Variants in MAGI1 observed in about 807,000 individuals in gnomAD.
MAGI1 encodes the protein membrane associated guanylate kinase, WW and PDZ domain containing 1.
MAGI1 carries 58 observed loss-of-function variants against 139.9 expected under a neutral mutation model. The ratio of observed to expected loss-of-function variants is 0.41; its 90% CI spans 0.34 to 0.52. MAGI1 has a LOEUF of 0.52. MAGI1 is among the 20% of genes least tolerant of loss of function. The probability of loss-of-function intolerance (pLI) is 0.12; values close to 1 mark genes in which losing one functional copy is unlikely to be tolerated. For synonymous variants in MAGI1, 812 were observed against 737.9 expected (o/e 1.10, Z -1.63); for missense variants, 1,874 against 1,901.6 (o/e 0.99, Z 0.27).
intron 1 of MAGI1, among the ~76,000 whole-genome samples, chr3:65,648,357 C>A (rs2085399169): frequency 6.6e-6 from 1 of 151,750 alleles, no homozygotes; most frequent in African/African-American, 2.4e-5. Context: ...ATTATGTTGC[C>A]CAAGCTGTTC....
At chr3:65,414,516 C>A (rs1435251158) in intron 12 of MAGI1, among the ~76,000 whole-genome samples, 1 of 152,194 alleles carries the variant, frequency 6.6e-6, no homozygotes, top group Non-Finnish European at 1.5e-5. Flanking sequence ...GATGCCAGAG[C>A]CCCACTCACA....
intron 1 of MAGI1, among the ~76,000 whole-genome samples, chr3:65,999,306 G>T (rs937523620): frequency 6.6e-6 from 1 of 152,184 alleles, no homozygotes; most frequent in Non-Finnish European, 1.5e-5. Flanking sequence ...AGGGGGATAA[G>T]GAGAGGAAAG....
chr3:65,898,036 A>T (rs948056725), intron 1 of MAGI1, among the ~76,000 whole-genome samples: 2 of 152,156 alleles, frequency 1.3e-5, no homozygotes, highest in African/African-American at 4.8e-5. Context: ...CAAATATTTA[A>T]CTCAAGATAC....
chr3:65,457,502 T>C (rs1949479139), intron 5 of MAGI1, among the ~76,000 whole-genome samples: 1 of 152,200 alleles, frequency 6.6e-6, no homozygotes, highest in African/African-American at 2.4e-5. Context: ...CCTCTTTCAT[T>C]AGCATTTTAT....
At chr3:65,380,876 A>G (rs1432828110) in intron 16 of MAGI1, 1 of 152,200 alleles carries the variant, frequency 6.6e-6, no homozygotes, top group Non-Finnish European at 1.5e-5. Context: ...ACTGGAATTT[A>G]ACATCTTAAT....
At chr3:65,984,374 A>G (rs985290808) in intron 1 of MAGI1, among the ~76,000 whole-genome samples, 1 of 152,154 alleles carries the variant, frequency 6.6e-6, no homozygotes, top group Non-Finnish European at 1.5e-5. Context: ...TGGATCCTCA[A>G]ACACACCATT....
rs1232775858 is a variant in MAGI1, at chr3:65,978,678, G to C, written c.313+59318C>G. On this transcript the variant is annotated intron_variant, in intron 1 of 22. Coordinates refer to ENST00000402939, the MANE Select transcript of MAGI1 (RefSeq NM_001033057.2). ...AGTTTCACTCTTGTTGCCCAGGCTGGAGTGCAATGGTGCAATCTCAGCTCA... is the reference window on the plus strand; with the variant it reads ...AGTTTCACTCTTGTTGCCCAGGCTGCAGTGCAATGGTGCAATCTCAGCTCA... Among the ~76,000 whole-genome samples the C allele has an allele frequency of 4.0e-5, 6 of 148,452 alleles. No individual in the cohort carries two copies. The East Asian group carries it at 1.2e-3, about 29-fold the overall frequency.
At chr3:65,694,466 C>T (rs1325410383) in intron 1 of MAGI1, among the ~76,000 whole-genome samples, 2 of 152,148 alleles carry the variant, frequency 1.3e-5, no homozygotes, top group Non-Finnish European at 2.9e-5. Flanking sequence ...GTGTTCTCAT[C>T]ACCACCACCC....
chr3:65,725,534 G>A (rs2033506978), intron 1 of MAGI1, among the ~76,000 whole-genome samples: 1 of 152,144 alleles, frequency 6.6e-6, no homozygotes, highest in African/African-American at 2.4e-5. Context: ...CCAAACCCTG[G>A]TGGCTGGGGC....
intron 1 of MAGI1, among the ~76,000 whole-genome samples, chr3:65,639,207 C>A (rs2084832803): frequency 6.6e-6 from 1 of 152,182 alleles, no homozygotes; most frequent in South Asian, 2.1e-4. Flanking sequence ...TTATATATCC[C>A]TCATATCAGT....
At chr3:65,849,327 G>A (rs77782761) in intron 1 of MAGI1, among the ~76,000 whole-genome samples, 41 of 151,570 alleles carry the variant, frequency 2.7e-4, no homozygotes, top group Non-Finnish European at 4.1e-4. Flanking sequence ...ACCTGACCCA[G>A]ACCATTCTTT....
intron 3 of MAGI1, among the ~76,000 whole-genome samples, chr3:65,490,521 T>C (rs1575988152): frequency 6.6e-6 from 1 of 152,078 alleles, no homozygotes; most frequent in Non-Finnish European, 1.5e-5. Flanking sequence ...TAAGAGTCAA[T>C]ATAATATACT....
At chr3:65,638,692 C>T (rs915033505) in intron 1 of MAGI1, among the ~76,000 whole-genome samples, 1 of 147,702 alleles carries the variant, frequency 6.8e-6, no homozygotes, top group African/African-American at 2.5e-5. Flanking sequence ...TCACTGCAAC[C>T]TCCTCCCAGG....
At chr3:65,812,279 T>A (rs1005752186) in intron 1 of MAGI1, among the ~76,000 whole-genome samples, 2 of 152,126 alleles carry the variant, frequency 1.3e-5, no homozygotes, top group Non-Finnish European at 2.9e-5. Context: ...AAAGCGGGTA[T>A]TCTAAAAATG....
chr3:65,748,122 G>C (rs894886250), intron 1 of MAGI1, among the ~76,000 whole-genome samples: 3 of 152,204 alleles, frequency 2.0e-5, no homozygotes, highest in Admixed American at 6.5e-5. Context: ...AGGCAGTCAG[G>C]CTCCAAGCAT....
intron 8 of MAGI1, among the ~76,000 whole-genome samples, chr3:65,441,601 A>G (rs1399789721): frequency 1.3e-5 from 2 of 152,186 alleles, no homozygotes; most frequent in African/African-American, 2.4e-5. Flanking sequence ...CTCTTAATGC[A>G]TAAACTAGTT....
intron 1 of MAGI1, among the ~76,000 whole-genome samples, chr3:65,899,883 G>A (rs1295504319): frequency 6.6e-6 from 1 of 152,104 alleles, no homozygotes; most frequent in African/African-American, 2.4e-5. Context: ...TAGAAGTCTT[G>A]GTCAAGTCCA....
intron 6 of MAGI1, among the ~76,000 whole-genome samples, chr3:65,451,446 T>A (rs2107488301): frequency 6.6e-6 from 1 of 152,340 alleles, no homozygotes; most frequent in South Asian, 2.1e-4. Context: ...ATGTTCAGGT[T>A]GAGTAGTCAT....
chr3:65,525,958 CAG>C (rs1219270236), intron 2 of MAGI1, among the ~76,000 whole-genome samples: 2 of 152,128 alleles, frequency 1.3e-5, no homozygotes, highest in Non-Finnish European at 2.9e-5. Flanking sequence ...CACCAAGTCA[CAG>C]GGGGAAATCA....
Sources: gnomAD v4.1 joint callset for allele counts (sites outside exome capture counted in the v4.1 genomes callset) on GRCh38, gnomAD v4.1.1 for gene constraint, MANE v1.5 for transcripts, NCBI Gene and HGNC (gene_info 2026-07-23, HGNC 2026-07-21) for gene names.